The following SURF6 variants were observed in gnomAD, a reference collection of about 807,000 sequenced individuals.
The protein encoded by SURF6 is surfeit locus protein 6.
SURF6 carries 28 observed loss-of-function variants against 37.5 expected under a neutral mutation model. The observed-to-expected ratio is 0.75, with a 90% confidence interval of 0.55 to 1.02. SURF6 has a LOEUF of 1.02. SURF6 is among the 50% of genes least tolerant of loss of function. The pLI, the probability that SURF6 is intolerant of heterozygous loss-of-function variation, is 0.00. For synonymous variants in SURF6, 248 were observed against 210.9 expected, an observed-to-expected ratio of 1.18 and a Z score of -1.52; for missense variants, 560 against 490.5, an observed-to-expected ratio of 1.14 and a Z score of -1.34.
Position 133,329,433 on chromosome 9 carries a change from G to T in SURF6, c.*2436C>A. On this transcript the variant is annotated 3_prime_UTR_variant, in exon 5 of 5. Transcript: ENST00000372022. ...CCCTTTCCCGGTCTGCTAAGTAGCG[G>T]GTGTTGTTCCTTGATACTTTTTGCT... The T allele has an allele frequency of 3.5e-6, 1 of 287,974 alleles. No homozygotes were observed. Among genetic ancestry groups the T allele is most frequent in the South Asian group, 2.9e-5 (1 of 34,738 alleles). The allele number at this position is 287,974 out of a possible 1,614,324, so 17.8% of individuals were successfully genotyped here. A position where few individuals can be genotyped will look rare whatever the true frequency, so the allele number is the denominator to read the frequency against.
rs1835703831 is a variant in SURF6 at position 133,330,713 on chromosome 9, A to G, written c.*1156T>C. 6.6e-6 allele frequency: 1 copy of G among 152,224 alleles called. No individual in the cohort carries two copies. The highest frequency in any genetic ancestry group is 1.5e-5 in the Non-Finnish European group (1 of 68,034). The allele number at this position is 152,224 out of a possible 1,614,324, so 9.4% of individuals were successfully genotyped here. A position where few individuals can be genotyped will look rare whatever the true frequency, so the allele number is the denominator to read the frequency against. On this transcript the variant is annotated 3_prime_UTR_variant, in exon 5 of 5. Transcript: ENST00000372022. The stretch of plus-strand genomic sequence containing the variant: ...AAGACTCTATCTAAAAAACAAAAAA[A>G]AATAGCTCAAATTTTTTTTAATGAC...
chr9:133,332,296 T>G lies in SURF6; in HGVS notation c.659A>C (p.Lys220Thr). 2 of 1,599,450 alleles carry G rather than the reference T, an allele frequency of 1.3e-6. No individual in the cohort carries two copies. Among genetic ancestry groups the G allele is most frequent in the Non-Finnish European group, 1.7e-6 (2 of 1,177,142 alleles). Reference sequence around the variant, plus strand: ...GAGGTTCCCCTTCACCCTCTGCCTCTTCTCTTTTCTGCGCTGCGCCTTGCT... The same window carrying G: ...GAGGTTCCCCTTCACCCTCTGCCTCGTCTCTTTTCTGCGCTGCGCCTTGCT... Reference protein sequence around the residue: ...PASKAQRRKEKRQRVKGNLTP... With the variant: ...PASKAQRRKETRQRVKGNLTP... The change falls in exon 5 of 5, where the codon AAG (lysine) becomes ACG (threonine). Residue 220 changes from lysine to threonine, a missense_variant. Physicochemically the swap from Lys to Thr is moderately conservative, Grantham distance 78 (BLOSUM62 -1). Coordinates refer to ENST00000372022, the MANE Select transcript of SURF6 (RefSeq NM_006753.6).
At chr9:133,333,106 A>C (rs2129922464) in intron 3 of SURF6, among the ~76,000 whole-genome samples, 1 of 152,054 alleles carries the variant, frequency 6.6e-6, no homozygotes, top group Non-Finnish European at 1.5e-5. Flanking sequence ...ACCTGTCCTG[A>C]CCGCTGCCCA....
chr9:133,332,842 G>C, intron 3 of SURF6, 82 bp from the exon 4 acceptor site: 1 of 1,386,560 alleles, frequency 7.2e-7, no homozygotes. Context: ...GAAGAATCAG[G>C]GCTGGAAGGC....
rs2129927989 is a variant in SURF6, at chr9:133,334,524, G to A, written c.172C>T (p.Arg58Ter). The A allele has an allele frequency of 2.1e-5, 34 of 1,613,814 alleles. No homozygotes were observed. The highest frequency in any genetic ancestry group is 2.6e-5 in the Non-Finnish European group (31 of 1,180,048). ...RKKTQKKFRK[R>*]EEKAAEHKAK... ...TTGTGCTCAGCAGCCTTCTCTTCTC[G>A]CTTCCGGAATTTCTTTTGTGTTTTC... Residue 58 changes from arginine (R) to a stop codon, truncating the protein, a stop_gained, in exon 2 of 5, where the codon CGA (arginine) becomes TGA (stop). Transcript: ENST00000372022. LOFTEE classifies it high-confidence loss of function.
intron 4 of SURF6, 47 bp downstream of exon 4, chr9:133,332,501 A>G (rs2129918624): frequency 6.3e-7 from 1 of 1,590,208 alleles, no homozygotes; most frequent in South Asian, 1.1e-5. Context: ...GGCAACGCTG[A>G]GGCCTGAAGC....
At position 133,332,043 on chromosome 9, in the gene SURF6, C is replaced by A. The variant is rs2129914346; in HGVS notation, c.912G>T (p.Gln304His). The A allele has an allele frequency of 1.9e-6, 3 of 1,603,660 alleles. No individual in the cohort carries two copies. Among genetic ancestry groups the A allele is most frequent in the Non-Finnish European group, 1.7e-6 (2 of 1,179,488 alleles). ...CGGCCGTGCGCTTCTCCCACCGGCGCTGCCGCTGCGCCCTGCGCTTCTCCT... is the reference window on the plus strand; with the variant it reads ...CGGCCGTGCGCTTCTCCCACCGGCGATGCCGCTGCGCCCTGCGCTTCTCCT... ...KRKEKRRAQR[Q>H]RRWEKRTAGV... The change falls in exon 5 of 5, where the codon CAG (glutamine) becomes CAT (histidine). Residue 304 changes from glutamine to histidine, a missense_variant. Coordinates refer to ENST00000372022, the MANE Select transcript of SURF6 (RefSeq NM_006753.6).
At chr9:133,334,693 T>A in intron 1 of SURF6, 92 bp from the exon 2 acceptor site, 1 of 1,468,230 alleles carries the variant, frequency 6.8e-7, no homozygotes, top group Non-Finnish European at 9.2e-7. Context: ...CCCAGGAAGA[T>A]GCCGAAAGAG....
At position 133,332,295 on chromosome 9, in the gene SURF6, C is replaced by G; in HGVS notation, c.660G>C (p.Lys220Asn). The change falls in exon 5 of 5, where the codon AAG becomes AAC. Residue 220 changes from lysine to asparagine, a missense_variant. Physicochemically the swap from Lys to Asn is moderately conservative, Grantham distance 94. Coordinates refer to ENST00000372022, the MANE Select transcript of SURF6 (RefSeq NM_006753.6). Reference sequence around the variant, plus strand: ...TGAGGTTCCCCTTCACCCTCTGCCTCTTCTCTTTTCTGCGCTGCGCCTTGC... The same window carrying G: ...TGAGGTTCCCCTTCACCCTCTGCCTGTTCTCTTTTCTGCGCTGCGCCTTGC... ...PASKAQRRKEKRQRVKGNLTP... is the reference protein window; with the variant it reads ...PASKAQRRKENRQRVKGNLTP... The G allele has an allele frequency of 6.3e-7, 1 of 1,599,474 alleles. No homozygotes were observed. The highest frequency in any genetic ancestry group is 8.5e-7 in the Non-Finnish European group (1 of 1,177,200).
intron 1 of SURF6, among the ~76,000 whole-genome samples, chr9:133,335,101 A>G (rs1835838967): frequency 6.6e-6 from 1 of 152,246 alleles, no homozygotes; most frequent in Non-Finnish European, 1.5e-5. Context: ...CTGGGACTAC[A>G]GGCGCCCACC....
chr9:133,333,643 C>T, intron 3 of SURF6, 75 bp downstream of exon 3: 1 of 1,403,028 alleles, frequency 7.1e-7, no homozygotes, highest in Non-Finnish European at 1.0e-6. Flanking sequence ...GGGGCTACGG[C>T]CCCTCGCTGA....
rs138754453 is a variant in SURF6 at position 133,332,246 on chromosome 9, G to A, written c.709C>T (p.Arg237Trp). 31 of 1,604,752 alleles carry A rather than the reference G, an allele frequency of 1.9e-5. No homozygotes were observed. Among genetic ancestry groups the A allele is most frequent in the Non-Finnish European group, 2.4e-5 (28 of 1,179,734 alleles). ...GCCTGCAGGCGCTCCAGCAGCTGCC[G>A]GTAGTTCCTCCCGGTCAGCGGCGTG... The part of the protein sequence containing the change: ...NLTPLTGRNY[R>W]QLLERLQARQ... The change falls in exon 5 of 5, where the codon CGG becomes TGG. Residue 237 changes from arginine (R) to tryptophan (W), a missense_variant. By Grantham distance (101) the Arg-to-Trp change is moderately radical. Transcript: ENST00000372022.
In SURF6 at chr9:133,329,614, G is replaced by T. The variant is rs1835675098; in HGVS notation, c.*2255C>A. On this transcript the variant is annotated 3_prime_UTR_variant, in exon 5 of 5. Transcript: ENST00000372022. ...CTATGTCCCCTCAGCTCCTATCTCT[G>T]TATGGCCTGGTTTTTCCTAGGCTAT... 6.5e-6 allele frequency: 1 copy of T among 153,302 alleles called. No individual in the cohort carries two copies. The allele number at this position is 153,302 out of a possible 1,614,324, so 9.5% of individuals were successfully genotyped here. A position where few individuals can be genotyped will look rare whatever the true frequency, so the allele number is the denominator to read the frequency against.
At chr9:133,334,354 C>T (rs2129926679) in intron 2 of SURF6, 38 bp downstream of exon 2, 109 of 1,557,262 alleles carry the variant, frequency 7.0e-5, no homozygotes, top group Non-Finnish European at 8.6e-5. Flanking sequence ...GCCCCAGCCC[C>T]GCCCTGCACA....
rs1835683918 is a variant in SURF6 at position 133,329,918 on chromosome 9, T to C, written c.*1951A>G. 6.6e-6 allele frequency: 1 copy of C among 152,230 alleles called. No individual in the cohort carries two copies. The highest frequency in any genetic ancestry group is 2.4e-5 in the African/African-American group (1 of 41,462). 9.4% of individuals were successfully genotyped at this position (152,230 alleles called of 1,614,324 possible). On this transcript the variant is annotated 3_prime_UTR_variant, in exon 5 of 5. Coordinates refer to ENST00000372022, the MANE Select transcript of SURF6 (RefSeq NM_006753.6). ...GAAGTGTTCTCTCAATTGATTCTGT[T>C]AGAATTTGTCTACGTCTGGAATTAC...
Position 133,332,341 on chromosome 9 carries a change from A to G in SURF6, c.614T>C (p.Val205Ala). The G allele has an allele frequency of 6.3e-7, 1 of 1,575,376 alleles. No individual in the cohort carries two copies. The highest frequency in any genetic ancestry group is 1.7e-5 in the Admixed American group (1 of 58,268). The change falls in exon 5 of 5, where the codon GTG (valine) becomes GCG (alanine). Residue 205 changes from valine (V) to alanine (A), a missense_variant. Coordinates refer to ENST00000372022, the MANE Select transcript of SURF6 (RefSeq NM_006753.6). ...PPGLIFNKVE[V>A]SEDEPASKAQ... ...CTTGCTGGCCGGCTCGTCTTCGCTC[A>G]CCTCCACCTGGGAGGAAGGTATGAC...
In SURF6 at chr9:133,332,287, C is replaced by T; in HGVS notation, c.668G>A (p.Arg223Lys). 6.2e-7 allele frequency: 1 copy of T among 1,600,794 alleles called. No individual in the cohort carries two copies. The highest frequency in any genetic ancestry group is 8.5e-7 in the Non-Finnish European group (1 of 1,178,028). The change falls in exon 5 of 5, where the codon AGG becomes AAG. Residue 223 changes from arginine (R) to lysine (K), a missense_variant. Transcript: ENST00000372022. ...KAQRRKEKRQRVKGNLTPLTG... is the reference protein window; with the variant it reads ...KAQRRKEKRQKVKGNLTPLTG... ...CAGCGGCGTGAGGTTCCCCTTCACC[C>T]TCTGCCTCTTCTCTTTTCTGCGCTG...
Position 133,330,108 on chromosome 9 carries a change from GCTTA to G in SURF6, c.*1757_*1760del. ...TGAGTTGTTCCAACTTAAGCTGCAT[GCTTA>G]TTTTTCTTTAGCTTTAAAAATACAG... On this transcript the variant is annotated 3_prime_UTR_variant, in exon 5 of 5. Coordinates refer to ENST00000372022, the MANE Select transcript of SURF6 (RefSeq NM_006753.6). The G allele has an allele frequency of 6.6e-6, 1 of 152,258 alleles. No individual in the cohort carries two copies. The highest frequency in any genetic ancestry group is 2.4e-5 in the African/African-American group (1 of 41,548). The allele number at this position is 152,258 out of a possible 1,614,324, so 9.4% of individuals were successfully genotyped here. A position where few individuals can be genotyped will look rare whatever the true frequency, so the allele number is the denominator to read the frequency against.
At position 133,331,174 on chromosome 9, in the gene SURF6, C is replaced by G. The variant is rs910714343; in HGVS notation, c.*695G>C. 6.6e-6 allele frequency: 1 copy of G among 152,224 alleles called. No individual in the cohort carries two copies. The highest frequency in any genetic ancestry group is 6.5e-5 in the Admixed American group (1 of 15,270). The allele number at this position is 152,224 out of a possible 1,614,324, so 9.4% of individuals were successfully genotyped here. A position where few individuals can be genotyped will look rare whatever the true frequency, so the allele number is the denominator to read the frequency against. On this transcript the variant is annotated 3_prime_UTR_variant, in exon 5 of 5. Transcript: ENST00000372022. Reference sequence around the variant, plus strand: ...CTTCACTCTCTCTCCAGCTTTTATTCTTTCTTTCTCTTTCCCTAGGTCCAA... The same window carrying G: ...CTTCACTCTCTCTCCAGCTTTTATTGTTTCTTTCTCTTTCCCTAGGTCCAA...
Sources: gnomAD v4.1 joint callset for allele counts (sites outside exome capture counted in the v4.1 genomes callset) on GRCh38, gnomAD v4.1.1 for gene constraint, MANE v1.5 for transcripts, NCBI Gene and HGNC (gene_info 2026-07-23, HGNC 2026-07-21) for gene names.